Variants in GRIA1 observed in about 807,000 individuals in gnomAD.
The protein encoded by GRIA1 is glutamate ionotropic receptor AMPA type subunit 1, also known as glutamate receptor 1.
Under a neutral mutation model 99.2 loss-of-function variants are expected in GRIA1, and 31 were observed. The ratio of observed to expected loss-of-function variants is 0.31; its 90% CI spans 0.23 to 0.42. The LOEUF (loss-of-function observed/expected upper bound fraction) is 0.42, where lower values mean the gene tolerates loss of function less well. Among genes scored for constraint, GRIA1 ranks in the 10% least tolerant of loss-of-function variants. The probability of loss-of-function intolerance (pLI) is 1.00; values close to 1 mark genes in which losing one functional copy is unlikely to be tolerated. For missense variants in GRIA1, 782 were observed against 1,157.5 expected, an observed-to-expected ratio of 0.68 and a Z score of 4.71; for synonymous variants, 438 against 432.4, an observed-to-expected ratio of 1.01 and a Z score of -0.16.
chr5:153,683,098 A>T (rs902917493), intron 7 of GRIA1, among the ~76,000 whole-genome samples: 1 of 152,174 alleles, frequency 6.6e-6, no homozygotes, highest in Non-Finnish European at 1.5e-5. Flanking sequence ...ACACCCTGGG[A>T]TGGGGGGAGA....
intron 14 of GRIA1, among the ~76,000 whole-genome samples, chr5:153,796,040 G>T (rs1337525065): frequency 1.5e-5 from 2 of 129,076 alleles, no homozygotes; most frequent in Non-Finnish European, 3.1e-5. Flanking sequence ...GGACAAGTCA[G>T]ACATCAAGCA....
At chr5:153,645,297 G>A (rs1260413008) in intron 2 of GRIA1, among the ~76,000 whole-genome samples, 3 of 152,114 alleles carry the variant, frequency 2.0e-5, no homozygotes, top group Admixed American at 2.0e-4. Context: ...TTCAGTGGGA[G>A]TAGGACAGAT....
chr5:153,690,556 C>T (rs1757669708), intron 8 of GRIA1, among the ~76,000 whole-genome samples: 1 of 152,154 alleles, frequency 6.6e-6, no homozygotes, highest in Admixed American at 6.5e-5. Context: ...TGGCACGTAG[C>T]GGACATTCAG....
At chr5:153,769,743 C>G (rs1231618940) in intron 12 of GRIA1, among the ~76,000 whole-genome samples, 1 of 151,788 alleles carries the variant, frequency 6.6e-6, no homozygotes, top group African/African-American at 2.4e-5. Flanking sequence ...TACCCATGAT[C>G]CAGAAATTCT....
rs1327942366 is a variant in GRIA1, at chr5:153,577,089, A to AATGG, written c.221-69820_221-69817dup. ...GGATGGATGGATGGATGAGTGGATG[A>AATGG]ATGGATGGATGGATGGATGGATAAG... On this transcript the variant is annotated intron_variant, in intron 2 of 15. Transcript: ENST00000285900. Among the ~76,000 whole-genome samples the AATGG allele has an allele frequency of 1.6e-4, 13 of 79,056 alleles. 1 individual carries two copies. The highest frequency in any genetic ancestry group is 2.7e-4 in the Non-Finnish European group (10 of 37,302). The allele number at this position is 79,056 out of a possible 152,430, so 51.9% of individuals were successfully genotyped here.
At chr5:153,540,899 G>C (rs1339207044) in intron 2 of GRIA1, among the ~76,000 whole-genome samples, 1 of 152,126 alleles carries the variant, frequency 6.6e-6, no homozygotes, top group Non-Finnish European at 1.5e-5. Context: ...GAGTAGCTTT[G>C]GGAATTGAAT....
At chr5:153,670,644 G>A (rs1336255429) in intron 5 of GRIA1, among the ~76,000 whole-genome samples, 1 of 151,734 alleles carries the variant, frequency 6.6e-6, no homozygotes, top group African/African-American at 2.4e-5. Flanking sequence ...AAAGAAAAAT[G>A]TTCTAATTAC....
chr5:153,492,680 G>A (rs942128292), intron 1 of GRIA1, among the ~76,000 whole-genome samples: 2 of 151,984 alleles, frequency 1.3e-5, no homozygotes, highest in African/African-American at 2.4e-5. Flanking sequence ...AATGCATGAG[G>A]ATGTTTCATG....
chr5:153,492,330 T>G (rs1309551410), intron 1 of GRIA1: 21 of 1,517,958 alleles, frequency 1.4e-5, no homozygotes, highest in Non-Finnish European at 1.7e-5. Context: ...TGTGTGTTAG[T>G]GCCTAACACG....
chr5:153,513,454 G>A (rs947444352), intron 2 of GRIA1, among the ~76,000 whole-genome samples: 8 of 152,162 alleles, frequency 5.3e-5, no homozygotes, highest in East Asian at 1.9e-4. Flanking sequence ...GGAGATGCAC[G>A]GGGTATTTGG....
At chr5:153,541,614 CT>C (rs928739968) in intron 2 of GRIA1, among the ~76,000 whole-genome samples, 28 of 152,266 alleles carry the variant, frequency 1.8e-4, no homozygotes, top group African/African-American at 6.0e-4. Flanking sequence ...ACTATACACT[CT>C]GGCAACTTCT....
At chr5:153,652,645 T>C (rs571117218) in intron 4 of GRIA1, among the ~76,000 whole-genome samples, 2 of 152,350 alleles carry the variant, frequency 1.3e-5, no homozygotes, top group East Asian at 3.9e-4. Flanking sequence ...CCCGTTTGTA[T>C]GGGTATTTTA....
intron 2 of GRIA1, among the ~76,000 whole-genome samples, chr5:153,501,458 T>C (rs1452863108): frequency 6.7e-6 from 1 of 150,024 alleles, no homozygotes; most frequent in East Asian, 2.0e-4. Context: ...ACAGGAGGAG[T>C]GTTTGAGAAG....
chr5:153,731,571 A>G (rs1761027814), intron 11 of GRIA1, among the ~76,000 whole-genome samples: 1 of 152,092 alleles, frequency 6.6e-6, no homozygotes. Context: ...GAGCTCCCTA[A>G]GGCAGAACCC....
chr5:153,494,165 C>T, intron 2 of GRIA1, 100 bp downstream of exon 2: 1 of 1,282,494 alleles, frequency 7.8e-7, no homozygotes, highest in Non-Finnish European at 1.1e-6. Flanking sequence ...ACTTCAGTTG[C>T]CATTCGTCTT....
At chr5:153,647,536 T>C (rs1754245457) in intron 3 of GRIA1, among the ~76,000 whole-genome samples, 1 of 152,204 alleles carries the variant, frequency 6.6e-6, no homozygotes, top group African/African-American at 2.4e-5. Flanking sequence ...ATTTCAGCAC[T>C]TATATAATGG....
intron 5 of GRIA1, among the ~76,000 whole-genome samples, chr5:153,665,387 CTTCTCAATATTTATGGTGTT>C (rs1446776597): frequency 5.3e-5 from 8 of 152,244 alleles, no homozygotes; most frequent in Non-Finnish European, 7.4e-5. Context: ...ATGCTTTTTT[CTTCTCAATATTTATGGTGTT>C]TTCACTGATT....
At chr5:153,769,320 G>C (rs72804614) in intron 12 of GRIA1, among the ~76,000 whole-genome samples, 2,586 of 152,258 alleles carry the variant, frequency 0.017, 42 homozygotes, top group Non-Finnish European at 0.023. Context: ...TTTAGAGCTA[G>C]GGAATATGCA....
chr5:153,601,138 T>C (rs1438475297), intron 2 of GRIA1, among the ~76,000 whole-genome samples: 2 of 152,232 alleles, frequency 1.3e-5, no homozygotes, highest in Non-Finnish European at 2.9e-5. Flanking sequence ...CACATGCTGG[T>C]GCCAGACCCT....
Sources: allele counts gnomAD v4.1 joint callset (sites outside exome capture counted in the v4.1 genomes callset), GRCh38; gene constraint gnomAD v4.1.1; transcripts MANE v1.5; gene names NCBI Gene and HGNC (gene_info 2026-07-23, HGNC 2026-07-21).